The following PCDHGB3 variants were observed in gnomAD, a reference collection of about 807,000 sequenced individuals.
PCDHGB3 encodes protocadherin gamma subfamily B, 3.
In PCDHGB3, 40 loss-of-function variants were observed where a neutral mutation model predicts 59.2. That is an observed-to-expected ratio of 0.68 (90% CI 0.52 to 0.88). The LOEUF is 0.88. PCDHGB3 is among the 40% of genes least tolerant of loss of function. The pLI, the probability that PCDHGB3 is intolerant of heterozygous loss-of-function variation, is 0.00. For synonymous variants in PCDHGB3, 581 were observed against 503.6 expected (o/e 1.15, Z -2.06); for missense variants, 1,309 against 1,187.9 (o/e 1.10, Z -1.50).
Position 141,372,042 on chromosome 5 carries a change from G to C in PCDHGB3, c.1648G>C (p.Val550Leu). The C allele has an allele frequency of 6.2e-7, 1 of 1,613,478 alleles. No homozygotes were observed. Among genetic ancestry groups the C allele is most frequent in the South Asian group, 1.1e-5 (1 of 91,076 alleles). ...GCTCAGCGCCAACGTGAGCCTGCGC[G>C]TGTTGGTGGACGACCGCAACGACAA... ...PTLSANVSLR[V>L]LVDDRNDNAP... Residue 550 changes from valine (V) to leucine (L), a missense_variant, in exon 1 of 4, where the codon GTG becomes CTG. Coordinates refer to ENST00000576222, the MANE Select transcript of PCDHGB3 (RefSeq NM_018924.5).
At chr5:141,383,515 C>A (rs749503295) in intron 1 of PCDHGB3, 4 of 1,612,348 alleles carry the variant, frequency 2.5e-6, no homozygotes, top group Admixed American at 1.7e-5. Context: ...GGAGGAAGAG[C>A]GGGTTCACCA....
chr5:141,414,472 A>G (rs1039987036), intron 1 of PCDHGB3: 1 of 1,613,914 alleles, frequency 6.2e-7, no homozygotes, highest in African/African-American at 1.3e-5. Flanking sequence ...AGATGGGGGA[A>G]GTCCTCCTCT....
At position 141,432,950 on chromosome 5, in the gene PCDHGB3, G is replaced by A. The variant is rs750033444; in HGVS notation, c.2415+60141G>A. 9.9e-6 allele frequency: 16 copies of A among 1,614,190 alleles called. No individual in the cohort carries two copies. The highest frequency in any genetic ancestry group is 1.3e-5 in the African/African-American group (1 of 75,060). ...ACGCCTGCTGCAGGCTTCAGGAGGC[G>A]GCTTGACAGGAGCGCCGGCGTCGCA... is the stretch of plus-strand genomic sequence containing the variant. On this transcript the variant is annotated intron_variant, in intron 1 of 3. Coordinates refer to ENST00000576222, the MANE Select transcript of PCDHGB3 (RefSeq NM_018924.5). This position sits in a 1 kb window ranked among gnomAD's most constrained non-coding sequence, Gnocchi z 6.0.
intron 1 of PCDHGB3, chr5:141,392,880 C>G (rs779595460): frequency 3.1e-6 from 5 of 1,613,564 alleles, no homozygotes; most frequent in Non-Finnish European, 2.5e-6. Flanking sequence ...GCTGGGAACG[C>G]TGTGGGAAAT....
In PCDHGB3 at chr5:141,371,135, C is replaced by T. The variant is rs779737022; in HGVS notation, c.741C>T (p.Tyr247=). ...CCCCAGTATTTACTCAGGACATGTACAGGGTCAATGTTGCAGAGAACCTGC... is the reference window on the plus strand; with the variant it reads ...CCCCAGTATTTACTCAGGACATGTATAGGGTCAATGTTGCAGAGAACCTGC... ...DNPPVFTQDM[Y]RVNVAENLPA... The change falls in exon 1 of 4, where the codon TAC becomes TAT. Residue 247 remains tyrosine, a synonymous_variant. Coordinates refer to ENST00000576222, the MANE Select transcript of PCDHGB3 (RefSeq NM_018924.5). The T allele has an allele frequency of 5.6e-6, 9 of 1,614,012 alleles. No individual in the cohort carries two copies. The highest frequency in any genetic ancestry group is 7.6e-6 in the Non-Finnish European group (9 of 1,179,888).
intron 1 of PCDHGB3, chr5:141,424,783 T>C (rs1285808638): frequency 1.3e-5 from 2 of 152,212 alleles, no homozygotes; most frequent in African/African-American, 4.8e-5. Flanking sequence ...TACATTCAGT[T>C]CTTTTATTCA....
intron 1 of PCDHGB3, chr5:141,387,676 G>C: frequency 2.7e-6 from 2 of 732,232 alleles, no homozygotes; most frequent in Non-Finnish European, 4.3e-6. Context: ...AGATCTCCTC[G>C]CGCAGCCGCA....
intron 1 of PCDHGB3, chr5:141,393,707 T>G (rs1296711922): frequency 6.2e-7 from 1 of 1,613,882 alleles, no homozygotes; most frequent in East Asian, 2.2e-5. Flanking sequence ...ATGAAAATAC[T>G]GGGGAAATAT....
chr5:141,421,811 T>A, intron 1 of PCDHGB3: 1 of 1,613,766 alleles, frequency 6.2e-7, no homozygotes, highest in Non-Finnish European at 8.5e-7. Flanking sequence ...AATCCAGAGC[T>A]AGTACTGGAG....
At chr5:141,394,840 G>GCA (rs2093111243) in intron 1 of PCDHGB3, 1 of 1,613,834 alleles carries the variant, frequency 6.2e-7, no homozygotes. Flanking sequence ...ACCGAGTTGG[G>GCA]CAGTCTGAAG....
At position 141,432,202 on chromosome 5, in the gene PCDHGB3, T is replaced by C; in HGVS notation, c.2415+59393T>C. 1 of 1,614,120 alleles carries C rather than the reference T, an allele frequency of 6.2e-7. No homozygotes were observed. The highest frequency in any genetic ancestry group is 1.1e-5 in the South Asian group (1 of 91,072). ...CTGTGACCGCCCACGACCCCGACTGTGAAGAGAACGCCCAGATCACTTATT... is the reference window on the plus strand; with the variant it reads ...CTGTGACCGCCCACGACCCCGACTGCGAAGAGAACGCCCAGATCACTTATT... On this transcript the variant is annotated intron_variant, in intron 1 of 3. Coordinates refer to ENST00000576222, the MANE Select transcript of PCDHGB3 (RefSeq NM_018924.5). The surrounding 1 kb of genome is among the most constrained non-coding windows in gnomAD (Gnocchi z 6.0).
chr5:141,432,209 A>C lies in PCDHGB3; in HGVS notation c.2415+59400A>C, dbSNP rs1473794319. ...CGCCCACGACCCCGACTGTGAAGAGAACGCCCAGATCACTTATTCCCTGGC... is the reference window on the plus strand; with the variant it reads ...CGCCCACGACCCCGACTGTGAAGAGCACGCCCAGATCACTTATTCCCTGGC... On this transcript the variant is annotated intron_variant, in intron 1 of 3. Transcript: ENST00000576222. This position sits in a 1 kb window ranked among gnomAD's most constrained non-coding sequence, Gnocchi z 6.0. 2 of 1,614,098 alleles carry C rather than the reference A, an allele frequency of 1.2e-6. No homozygotes were observed. Among genetic ancestry groups the C allele is most frequent in the Non-Finnish European group, 8.5e-7 (1 of 1,180,032 alleles).
chr5:141,408,909 A>G lies in PCDHGB3; in HGVS notation c.2415+36100A>G, dbSNP rs746399377. On this transcript the variant is annotated intron_variant, in intron 1 of 3. Transcript: ENST00000576222. ...ATAGAAATTTCTGTCAAGGATACCA[A>G]TGATAACCCCCCGGTTTTCAGCAGA... 1.3e-5 allele frequency: 21 copies of G among 1,613,442 alleles called. No individual in the cohort carries two copies. In the East Asian group the frequency reaches 2.5e-4, roughly 19 times the overall value.
At chr5:141,422,281 T>C in intron 1 of PCDHGB3, 1 of 1,557,044 alleles carries the variant, frequency 6.4e-7, no homozygotes, top group Middle Eastern at 1.7e-4. Context: ...AACTATCACC[T>C]CTTCTATTAA....
intron 1 of PCDHGB3, chr5:141,388,264 A>G (rs1054125491): frequency 1.3e-6 from 2 of 1,598,302 alleles, no homozygotes; most frequent in African/African-American, 2.9e-5. Context: ...GAGGACATTA[A>G]TGACCACACG....
chr5:141,379,107 T>G (rs74510444), intron 1 of PCDHGB3: 16 of 152,328 alleles, frequency 1.1e-4, no homozygotes, highest in African/African-American at 3.6e-4. Context: ...AAAAAGCAAT[T>G]GAGAAGATAC....
intron 1 of PCDHGB3, chr5:141,376,546 T>TC (rs1388461293): frequency 6.2e-7 from 1 of 1,612,610 alleles, no homozygotes; most frequent in Non-Finnish European, 8.5e-7. Context: ...AGTAATCTGA[T>TC]CTTCCCGCAA....
intron 1 of PCDHGB3, chr5:141,423,517 T>G (rs750915364): frequency 1.9e-6 from 3 of 1,613,716 alleles, no homozygotes; most frequent in Non-Finnish European, 2.5e-6. Flanking sequence ...CATTGCGGAC[T>G]CGCAGAAGAG....
intron 1 of PCDHGB3, among the ~76,000 whole-genome samples, chr5:141,455,201 CAATAAGAGTTTTT>C (rs1373301624): frequency 6.6e-6 from 1 of 151,722 alleles, no homozygotes; most frequent in Non-Finnish European, 1.5e-5. Flanking sequence ...AATTTACAAC[CAATAAGAGTTTTT>C]AATGCTTTGA....
Sources: allele counts gnomAD v4.1 joint callset (sites outside exome capture counted in the v4.1 genomes callset), GRCh38; gene constraint gnomAD v4.1.1; non-coding constraint Gnocchi (gnomAD v3.1); transcripts MANE v1.5; gene names NCBI Gene and HGNC (gene_info 2026-07-23, HGNC 2026-07-21).